Variants in XKR6 observed in about 807,000 individuals in gnomAD.
XKR6 encodes XK related 6.
XKR6 carries 22 observed loss-of-function variants against 56.7 expected under a neutral mutation model. The observed-to-expected ratio is 0.39, with a 90% CI of 0.28 to 0.55. The LOEUF (loss-of-function observed/expected upper bound fraction) is 0.55, where lower values mean the gene tolerates loss of function less well. Ranked by LOEUF, XKR6 falls within the 20% of genes least tolerant of loss-of-function variation. XKR6 has a pLI of 0.66. For missense variants in XKR6, 852 were observed against 889.0 expected, an observed-to-expected ratio of 0.96 and a Z score of 0.53; for synonymous variants, 524 against 387.8, an observed-to-expected ratio of 1.35 and a Z score of -4.13.
chr8:11,123,057 T>C (rs898783746), intron 1 of XKR6, among the ~76,000 whole-genome samples: 1 of 151,928 alleles, frequency 6.6e-6, no homozygotes, highest in African/African-American at 2.4e-5. Context: ...GCCAACATGG[T>C]GAAACCTCGT....
At chr8:11,174,658 C>T (rs1802566455) in intron 1 of XKR6, among the ~76,000 whole-genome samples, 1 of 152,136 alleles carries the variant, frequency 6.6e-6, no homozygotes, top group Non-Finnish European at 1.5e-5. Context: ...CAAAGAGCAC[C>T]AAGTGTCTTC....
intron 1 of XKR6, among the ~76,000 whole-genome samples, chr8:11,071,523 G>T: frequency 7.0e-6 from 1 of 143,544 alleles, no homozygotes; most frequent in African/African-American, 2.6e-5. Context: ...TGAGCCCCGA[G>T]TCCATGAGCC....
At chr8:11,166,043 C>T (rs1232636335) in intron 1 of XKR6, among the ~76,000 whole-genome samples, 1 of 151,444 alleles carries the variant, frequency 6.6e-6, no homozygotes. Flanking sequence ...GCAACCTCCA[C>T]CTCCTGGATT....
At chr8:10,989,299 A>G (rs754450100) in intron 1 of XKR6, among the ~76,000 whole-genome samples, 1 of 152,268 alleles carries the variant, frequency 6.6e-6, no homozygotes, top group Non-Finnish European at 1.5e-5. Context: ...TACTTTTCTT[A>G]TAATTCCTTT....
intron 2 of XKR6, among the ~76,000 whole-genome samples, chr8:10,915,758 C>T (rs1380448950): frequency 6.6e-6 from 1 of 152,196 alleles, no homozygotes; most frequent in Non-Finnish European, 1.5e-5. Context: ...GGCATCTCCT[C>T]AAAATGAGAG....
In XKR6 at chr8:11,185,007, G is replaced by C. The variant is rs527750102; in HGVS notation, c.764+15569C>G. ...TCCATTCCCAACCGGGCCACTGTCT[G>C]GTGGTTTTTCTCTCTGGGTACCTGG... On this transcript the variant is annotated intron_variant, in intron 1 of 2. Coordinates refer to ENST00000416569, the MANE Select transcript of XKR6 (RefSeq NM_173683.4). 2.6e-5 allele frequency among the ~76,000 whole-genome samples: 4 copies of C among 152,266 alleles called. No homozygotes were observed. The East Asian group carries it at 7.7e-4, about 29-fold the overall frequency.
intron 1 of XKR6, among the ~76,000 whole-genome samples, chr8:11,128,368 C>T (rs1040226459): frequency 5.3e-5 from 8 of 152,228 alleles, no homozygotes; most frequent in Non-Finnish European, 8.8e-5. Context: ...ACTATCTGTG[C>T]TGACGCTCCA....
chr8:11,195,004 C>T lies in XKR6; in HGVS notation c.764+5572G>A, dbSNP rs1196926324. 4 of 586,072 alleles carry T rather than the reference C, an allele frequency of 6.8e-6. 1 individual carries two copies. In the South Asian group the frequency reaches 8.7e-5, roughly 13 times the overall value. 36.3% of individuals were successfully genotyped at this position (586,072 alleles called of 1,614,324 possible). A position where few individuals can be genotyped will look rare whatever the true frequency, so the allele number is the denominator to read the frequency against. ...CAAGTTTTTAGGGTTACTGTTCACT[C>T]AAAAACAAGAAATAAATCTTTAGAG... On this transcript the variant is annotated intron_variant, in intron 1 of 2. Coordinates refer to ENST00000416569, the MANE Select transcript of XKR6 (RefSeq NM_173683.4).
chr8:10,929,267 T>C (rs1800990744), intron 1 of XKR6, among the ~76,000 whole-genome samples: 1 of 152,252 alleles, frequency 6.6e-6, no homozygotes, highest in African/African-American at 2.4e-5. Context: ...TATTACCTCA[T>C]TTAATCCTCA....
chr8:10,952,789 C>G (rs1328301153), intron 1 of XKR6, among the ~76,000 whole-genome samples: 1 of 152,198 alleles, frequency 6.6e-6, no homozygotes, highest in Non-Finnish European at 1.5e-5. Context: ...TAGCACAGGG[C>G]TCCCAACCCC....
At chr8:11,108,552 C>G in intron 1 of XKR6, 1 of 356,554 alleles carries the variant, frequency 2.8e-6, no homozygotes. Context: ...TGTGGCTCAG[C>G]GGCCTTAGTG....
At chr8:11,101,625 G>A (rs1395514643) in intron 1 of XKR6, among the ~76,000 whole-genome samples, 1 of 152,136 alleles carries the variant, frequency 6.6e-6, no homozygotes, top group Non-Finnish European at 1.5e-5. Context: ...AAGAGCCAAT[G>A]AATTTTCCCC....
chr8:11,068,077 G>T (rs1407024216), intron 1 of XKR6, among the ~76,000 whole-genome samples: 1 of 152,236 alleles, frequency 6.6e-6, no homozygotes, highest in Non-Finnish European at 1.5e-5. Context: ...CTCAGCACCT[G>T]ACTCAATAGT....
At chr8:10,929,292 G>T (rs1296883902) in intron 1 of XKR6, among the ~76,000 whole-genome samples, 1 of 152,220 alleles carries the variant, frequency 6.6e-6, no homozygotes, top group Non-Finnish European at 1.5e-5. Flanking sequence ...ACCCCTATGA[G>T]GTAGCTGCAA....
intron 1 of XKR6, among the ~76,000 whole-genome samples, chr8:10,999,829 T>G (rs951959906): frequency 2.0e-5 from 3 of 152,208 alleles, no homozygotes; most frequent in Non-Finnish European, 2.9e-5. Flanking sequence ...CAGGCCATGA[T>G]GCAAATCATG....
At chr8:11,029,329 G>A (rs1171747476) in intron 1 of XKR6, among the ~76,000 whole-genome samples, 2 of 152,086 alleles carry the variant, frequency 1.3e-5, no homozygotes, top group Non-Finnish European at 2.9e-5. Context: ...CCTCATATTC[G>A]CTGGTAGGGA....
intron 1 of XKR6, among the ~76,000 whole-genome samples, chr8:11,150,774 G>C (rs1226720245): frequency 6.6e-6 from 1 of 150,384 alleles, no homozygotes; most frequent in Non-Finnish European, 1.5e-5. Context: ...AGTCGCTTGA[G>C]GCCGGGAGGC....
chr8:11,111,820 C>T (rs1238699849), intron 1 of XKR6: 1 of 151,814 alleles, frequency 6.6e-6, no homozygotes, highest in East Asian at 1.9e-4. Flanking sequence ...TCCAGAGTTC[C>T]TAAATATGTC....
chr8:10,913,112 T>G (rs1025366719), intron 2 of XKR6, among the ~76,000 whole-genome samples: 3 of 151,284 alleles, frequency 2.0e-5, no homozygotes, highest in East Asian at 3.9e-4. Context: ...AGTATATATA[T>G]AGAGGGTGTG....
Sources: gnomAD v4.1 joint callset for allele counts (sites outside exome capture counted in the v4.1 genomes callset) on GRCh38, gnomAD v4.1.1 for gene constraint, MANE v1.5 for transcripts, NCBI Gene and HGNC (gene_info 2026-07-23, HGNC 2026-07-21) for gene names.